Variants in FBXL17 observed in about 807,000 individuals in gnomAD.
The protein encoded by FBXL17 is F-box/LRR-repeat protein 17.
A neutral mutation model predicts 66.2 loss-of-function variants in FBXL17; 22 were observed. That is an observed-to-expected ratio of 0.33 (90% CI 0.24 to 0.47). The LOEUF is 0.47. Ranked by LOEUF, FBXL17 falls within the 20% of genes least tolerant of loss-of-function variation. FBXL17 has a pLI of 1.00. For synonymous variants in FBXL17, 474 were observed against 400.5 expected (o/e 1.18, Z -2.19); for missense variants, 878 against 948.2 (o/e 0.93, Z 0.97).
intron 4 of FBXL17, among the ~76,000 whole-genome samples, chr5:108,342,963 G>A (rs1000854156): frequency 6.6e-6 from 1 of 152,096 alleles, no homozygotes; most frequent in African/African-American, 2.4e-5. Context: ...GGATCTTTGG[G>A]GAGTGATTAA....
At position 108,287,735 on chromosome 5, in the gene FBXL17, T is replaced by G. The variant is rs1210572741; in HGVS notation, c.1506+60664A>C. Among the ~76,000 whole-genome samples the G allele has an allele frequency of 2.0e-5, 3 of 152,054 alleles. No individual in the cohort carries two copies. In the East Asian group the frequency reaches 5.8e-4, roughly 29 times the overall value. On this transcript the variant is annotated intron_variant, in intron 4 of 8. Transcript: ENST00000542267. ...TTTCTCAAAAGACTCAAAGCAGAAC[T>G]ATCATTCAACCCAGCAATCCCATTG...
chr5:108,297,766 T>C, intron 4 of FBXL17: 2 of 703,976 alleles, frequency 2.8e-6, no homozygotes, highest in Non-Finnish European at 3.5e-6. Context: ...TCATAACAAA[T>C]TAAGAAATAA....
chr5:108,128,615 A>G (rs1266515247), intron 6 of FBXL17, among the ~76,000 whole-genome samples: 1 of 152,164 alleles, frequency 6.6e-6, no homozygotes, highest in Non-Finnish European at 1.5e-5. Context: ...CACATTTCTG[A>G]TGATTTGTCA....
intron 4 of FBXL17, among the ~76,000 whole-genome samples, chr5:108,269,758 G>C (rs1757190675): frequency 6.6e-6 from 1 of 151,974 alleles, no homozygotes; most frequent in Admixed American, 6.6e-5. Context: ...GGAATCCATA[G>C]TACCTAAGAC....
chr5:108,380,951 G>A lies in FBXL17; in HGVS notation c.741C>T (p.Cys247=). The A allele has an allele frequency of 5.7e-6, 7 of 1,222,710 alleles. No homozygotes were observed. Among genetic ancestry groups the A allele is most frequent in the African/African-American group, 3.1e-5 (2 of 64,082 alleles). 75.7% of individuals were successfully genotyped at this position (1,222,710 alleles called of 1,614,324 possible). ...ASPPRPPDAG[C]CQAPEQPPQP... The stretch of plus-strand genomic sequence containing the variant: ...GCGGGGGCTGCTCCGGGGCCTGGCA[G>A]CAGCCGGCGTCGGGGGGCCGGGGCG... The change falls in exon 1 of 9, where the codon TGC becomes TGT. Residue 247 remains cysteine, a synonymous_variant. Coordinates refer to ENST00000542267, the MANE Select transcript of FBXL17 (RefSeq NM_001163315.3).
At chr5:108,241,796 T>C (rs1387881826) in intron 4 of FBXL17, among the ~76,000 whole-genome samples, 1 of 152,074 alleles carries the variant, frequency 6.6e-6, no homozygotes, top group Non-Finnish European at 1.5e-5. Flanking sequence ...TAACACACAA[T>C]GGAGCTCCAA....
intron 7 of FBXL17, among the ~76,000 whole-genome samples, chr5:107,951,174 C>T (rs944474219): frequency 9.2e-5 from 14 of 152,056 alleles, no homozygotes; most frequent in Non-Finnish European, 1.6e-4. Flanking sequence ...TCTCAGGGTT[C>T]GATGTGCCTG....
At chr5:107,928,599 A>AATTATCTTTAAT (rs1441833611) in intron 7 of FBXL17, among the ~76,000 whole-genome samples, 3 of 152,128 alleles carry the variant, frequency 2.0e-5, no homozygotes, top group African/African-American at 7.2e-5. Flanking sequence ...AAGATAAGTA[A>AATTATCTTTAAT]TTGGCACATT....
At chr5:108,178,456 A>G (rs1752880710) in intron 6 of FBXL17, among the ~76,000 whole-genome samples, 1 of 152,220 alleles carries the variant, frequency 6.6e-6, no homozygotes. Context: ...AATACAAAAA[A>G]ATAGTGTCAA....
intron 4 of FBXL17, among the ~76,000 whole-genome samples, chr5:108,309,146 A>C (rs1322301998): frequency 1.3e-5 from 2 of 152,234 alleles, no homozygotes; most frequent in East Asian, 1.9e-4. Flanking sequence ...ATACAATGGA[A>C]GACCAAAGTC....
intron 3 of FBXL17, among the ~76,000 whole-genome samples, chr5:108,358,830 A>G (rs565565268): frequency 2.0e-5 from 3 of 152,002 alleles, no homozygotes; most frequent in Non-Finnish European, 1.5e-5. Flanking sequence ...TTCATTGGAA[A>G]TTTTTTTAAC....
intron 7 of FBXL17, among the ~76,000 whole-genome samples, chr5:107,984,893 G>A (rs988067531): frequency 3.9e-5 from 6 of 152,172 alleles, no homozygotes; most frequent in Admixed American, 1.3e-4. Flanking sequence ...AAAAGGACAA[G>A]AGTATTTTTG....
At chr5:108,056,254 C>A (rs1297800712) in intron 6 of FBXL17, among the ~76,000 whole-genome samples, 3 of 152,150 alleles carry the variant, frequency 2.0e-5, no homozygotes, top group Non-Finnish European at 2.9e-5. Flanking sequence ...CTGGCAACTG[C>A]CTATCAGAGA....
In FBXL17 at chr5:108,348,403, T is replaced by C. The variant is rs762148485; in HGVS notation, c.1502A>G (p.Lys501Arg). 1 of 1,611,964 alleles carries C rather than the reference T, an allele frequency of 6.2e-7. No individual in the cohort carries two copies. The highest frequency in any genetic ancestry group is 8.5e-7 in the Non-Finnish European group (1 of 1,178,384). ...AGGATGATAACAAGTACTTACTAAT[T>C]TGTTTTCCTGCATGTATATCCTTTG... ...KLQRIYMQEN[K>R]LVTDQSVKAF... The change falls in exon 4 of 9, where the codon AAA becomes AGA. Residue 501 changes from lysine to arginine, a missense_variant. Physicochemically the swap from Lys to Arg is conservative, Grantham distance 26. This residue lies in a region of FBXL17 where 236 missense variants were observed against 389.1 expected (regional missense o/e 0.61). Coordinates refer to ENST00000542267, the MANE Select transcript of FBXL17 (RefSeq NM_001163315.3).
In FBXL17 at chr5:108,009,298, TATAC is replaced by T. The variant is rs1426563128; in HGVS notation, c.1822+11623_1822+11626del. ...ATATATATATATATATATATATATA[TATAC>T]ATATATACATACACATATAGTTTTG... On this transcript the variant is annotated intron_variant, in intron 7 of 8. Coordinates refer to ENST00000542267, the MANE Select transcript of FBXL17 (RefSeq NM_001163315.3). 3.8e-3 allele frequency among the ~76,000 whole-genome samples: 274 copies of T among 71,384 alleles called. 41 individuals carry two copies. The highest frequency in any genetic ancestry group is 1.0e-2 in the East Asian group (20 of 2,008). The allele number at this position is 71,384 out of a possible 152,430, so 46.8% of individuals were successfully genotyped here.
At chr5:108,245,203 G>T (rs575264633) in intron 4 of FBXL17, among the ~76,000 whole-genome samples, 2 of 152,160 alleles carry the variant, frequency 1.3e-5, no homozygotes, top group Admixed American at 1.3e-4. Context: ...AAAAGAAAAT[G>T]CACAGAAGCA....
chr5:107,956,942 T>C (rs910440520), intron 7 of FBXL17, among the ~76,000 whole-genome samples: 1 of 152,198 alleles, frequency 6.6e-6, no homozygotes, highest in Non-Finnish European at 1.5e-5. Flanking sequence ...GTTTTCTCAG[T>C]GCTCAACTCT....
At chr5:108,325,769 G>T (rs73781324) in intron 4 of FBXL17, among the ~76,000 whole-genome samples, 2 of 151,980 alleles carry the variant, frequency 1.3e-5, no homozygotes, top group Non-Finnish European at 2.9e-5. Flanking sequence ...ACATAAAAGC[G>T]TTAGGATTAG....
At chr5:108,251,280 TA>T (rs1202782531) in intron 4 of FBXL17, among the ~76,000 whole-genome samples, 4 of 152,022 alleles carry the variant, frequency 2.6e-5, no homozygotes, top group Admixed American at 2.6e-4. Flanking sequence ...ACCTGCAGGG[TA>T]AAAAATACCT....
Sources: gnomAD v4.1 joint callset for allele counts (sites outside exome capture counted in the v4.1 genomes callset) on GRCh38, gnomAD v4.1.1 for gene constraint, gnomAD v4.1.1 regional missense constraint, MANE v1.5 for transcripts, NCBI Gene and HGNC (gene_info 2026-07-23, HGNC 2026-07-21) for gene names.